Variants in CCDC81 observed in about 807,000 individuals in gnomAD.
CCDC81 encodes coiled-coil domain-containing protein 81.
In CCDC81, 79 loss-of-function variants were observed where a neutral mutation model predicts 83.7. The observed-to-expected ratio is 0.94, with a 90% CI of 0.79 to 1.14. The LOEUF (loss-of-function observed/expected upper bound fraction) is 1.14. Among genes scored for constraint, CCDC81 ranks in the 50% most tolerant of loss-of-function variants. The probability of loss-of-function intolerance (pLI) is 0.00; values close to 1 mark genes in which losing one functional copy is unlikely to be tolerated. For missense variants in CCDC81, 791 were observed against 778.1 expected (o/e 1.02, Z -0.20); for synonymous variants, 252 against 278.1 (o/e 0.91, Z 0.93).
At chr11:86,387,775 T>C (rs760545866) in intron 3 of CCDC81, 103 bp downstream of exon 3, 11 of 792,924 alleles carry the variant, frequency 1.4e-5, no homozygotes, top group Non-Finnish European at 2.1e-5. Flanking sequence ...ACCTTCTTAT[T>C]TGAGGAACTC....
intron 1 of CCDC81, 93 bp from the exon 2 acceptor site, chr11:86,385,958 T>C: frequency 1.8e-6 from 1 of 556,972 alleles, no homozygotes; most frequent in South Asian, 2.2e-5. Context: ...TGCTTCCACA[T>C]TTCATATTTA....
intron 3 of CCDC81, among the ~76,000 whole-genome samples, chr11:86,389,001 CATGGTGGCACATGCA>C (rs1225612163): frequency 6.6e-6 from 1 of 152,046 alleles, no homozygotes; most frequent in African/African-American, 2.4e-5. Context: ...CTAGGCCGGG[CATGGTGGCACATGCA>C]ATGGTGGCAC....
intron 3 of CCDC81, among the ~76,000 whole-genome samples, chr11:86,390,497 G>A (rs1326901800): frequency 1.3e-5 from 2 of 152,176 alleles, no homozygotes; most frequent in Non-Finnish European, 2.9e-5. Flanking sequence ...GCCATTGAAA[G>A]TTTTTGAGCA....
chr11:86,406,719 C>A (rs1948571246), intron 7 of CCDC81, among the ~76,000 whole-genome samples: 1 of 152,118 alleles, frequency 6.6e-6, no homozygotes, highest in South Asian at 2.1e-4. Flanking sequence ...GCAGGAGAAT[C>A]ACTTGAACTT....
rs953815853 is a variant in CCDC81 at position 86,396,136 on chromosome 11, A to G, written c.635+723A>G. Among the ~76,000 whole-genome samples, 61 of 152,226 alleles carry G rather than the reference A, an allele frequency of 4.0e-4. 1 individual carries two copies. The highest frequency in any genetic ancestry group is 2.6e-3 in the Admixed American group (39 of 15,278). ...TTTTACCACTAAACGGGTTAAACAG[A>G]TAAGTTAGAATAAGGAAACAGCTTT... On this transcript the variant is annotated intron_variant, in intron 5 of 14. Transcript: ENST00000445632.
intron 13 of CCDC81, 58 bp downstream of exon 13, chr11:86,415,371 A>C (rs1341464250): frequency 2.1e-6 from 3 of 1,404,808 alleles, no homozygotes; most frequent in East Asian, 2.3e-5. Flanking sequence ...CGCTTCCTTT[A>C]TCTCTCTTTT....
At chr11:86,386,912 C>T (rs1948249511) in intron 2 of CCDC81, among the ~76,000 whole-genome samples, 1 of 152,186 alleles carries the variant, frequency 6.6e-6, no homozygotes, top group African/African-American at 2.4e-5. Flanking sequence ...CCATCACATT[C>T]CCTGGCTGGC....
chr11:86,387,869 G>C (rs1316538371), intron 3 of CCDC81, among the ~76,000 whole-genome samples, 197 bp downstream of exon 3: 2 of 152,224 alleles, frequency 1.3e-5, no homozygotes, highest in East Asian at 3.9e-4. Context: ...TTAAACCCCA[G>C]TAACCTAAGA....
At chr11:86,396,670 G>A (rs761632290) in intron 5 of CCDC81, among the ~76,000 whole-genome samples, 23 of 152,226 alleles carry the variant, frequency 1.5e-4, no homozygotes, top group East Asian at 3.9e-4. Flanking sequence ...TTTTCCAACC[G>A]CCTCATCTTG....
Position 86,422,823 on chromosome 11 carries a change from T to C in CCDC81, c.*108T>C. ...TACCTCAGAGAAAAAAATCATTGTT[T>C]AGGTTTGGTGCTTTCATTAGATTGC... is the stretch of plus-strand genomic sequence containing the variant. On this transcript the variant is annotated 3_prime_UTR_variant, in exon 15 of 15. Coordinates refer to ENST00000445632, the MANE Select transcript of CCDC81 (RefSeq NM_001156474.2). The C allele has an allele frequency of 8.8e-7, 1 of 1,132,840 alleles. No individual in the cohort carries two copies. The highest frequency in any genetic ancestry group is 1.3e-6 in the Non-Finnish European group (1 of 797,820). The allele number at this position is 1,132,840 out of a possible 1,614,324, so 70.2% of individuals were successfully genotyped here.
chr11:86,402,396 T>C (rs961309358), intron 7 of CCDC81, among the ~76,000 whole-genome samples: 2 of 152,176 alleles, frequency 1.3e-5, no homozygotes, highest in Non-Finnish European at 2.9e-5. Flanking sequence ...ATATGGATTT[T>C]TGTTACATTT....
chr11:86,418,649 A>G (rs866167370), intron 13 of CCDC81, among the ~76,000 whole-genome samples: 1 of 152,264 alleles, frequency 6.6e-6, no homozygotes, highest in African/African-American at 2.4e-5. Context: ...GACTCCACTT[A>G]TATGAGTTAT....
At chr11:86,410,376 C>G (rs1256786344) in intron 10 of CCDC81, among the ~76,000 whole-genome samples, 1 of 152,084 alleles carries the variant, frequency 6.6e-6, no homozygotes, top group African/African-American at 2.4e-5. Context: ...GTGGGAGAGA[C>G]AGACACTTAA....
intron 4 of CCDC81, among the ~76,000 whole-genome samples, chr11:86,394,243 T>C (rs1259197360): frequency 6.6e-6 from 1 of 152,224 alleles, no homozygotes; most frequent in East Asian, 1.9e-4. Context: ...GCATTTTCCT[T>C]GACCTGCTGA....
At chr11:86,388,000 G>A (rs1406659463) in intron 3 of CCDC81, among the ~76,000 whole-genome samples, 1 of 152,188 alleles carries the variant, frequency 6.6e-6, no homozygotes, top group Non-Finnish European at 1.5e-5. Context: ...AGAAGAGAAA[G>A]TTAATTAGGA....
chr11:86,392,518 C>T, intron 3 of CCDC81, 23 bp from the exon 4 acceptor site: 6 of 1,546,334 alleles, frequency 3.9e-6, no homozygotes, highest in South Asian at 1.2e-5. Flanking sequence ...TTTCTCCCAC[C>T]CCAACTGTCT....
chr11:86,414,435 T>G (rs969717927), intron 11 of CCDC81: 1 of 170,638 alleles, frequency 5.9e-6, no homozygotes, highest in Admixed American at 5.9e-5. Context: ...GCCTCCTGAG[T>G]AGCTGGGATT....
intron 14 of CCDC81, 140 bp downstream of exon 14, chr11:86,420,193 G>C: frequency 1.1e-6 from 1 of 946,166 alleles, no homozygotes; most frequent in Non-Finnish European, 1.6e-6. Flanking sequence ...GGGAAATACT[G>C]CCGTGATTGA....
Position 86,422,568 on chromosome 11 carries a change from C to T in CCDC81, c.1818-6C>T, listed in dbSNP as rs1374625444. 1 of 1,612,748 alleles carries T rather than the reference C, an allele frequency of 6.2e-7. No homozygotes were observed. The highest frequency in any genetic ancestry group is 8.5e-7 in the Non-Finnish European group (1 of 1,179,196). ...TGCTGATCGGCATTTGCTCTCCTCT[C>T]CTCAGGGCTTCAGACAAGCTGTTTC... On this transcript the variant is annotated splice_polypyrimidine_tract_variant and splice_region_variant and intron_variant, in intron 14 of 14. Transcript: ENST00000445632.
Sources: allele counts gnomAD v4.1 joint callset (sites outside exome capture counted in the v4.1 genomes callset), GRCh38; gene constraint gnomAD v4.1.1; transcripts MANE v1.5; gene names NCBI Gene and HGNC (gene_info 2026-07-23, HGNC 2026-07-21).